ANO2: variants seen among roughly 807,000 people sequenced by gnomAD.
ANO2 encodes the protein anoctamin 2, also known as anoctamin-2.
ANO2 carries 101 observed loss-of-function variants against 124.2 expected under a neutral mutation model. That is an observed-to-expected ratio of 0.81 (90% confidence interval 0.69 to 0.96). ANO2 has a LOEUF of 0.96. Among genes scored for constraint, ANO2 ranks in the 40% least tolerant of loss-of-function variants. The probability of loss-of-function intolerance (pLI) is 0.00; values close to 1 mark genes in which losing one functional copy is unlikely to be tolerated. For missense variants in ANO2, 1,293 were observed against 1,274.5 expected (o/e 1.01, Z -0.22); for synonymous variants, 486 against 482.5 (o/e 1.01, Z -0.09).
chr12:5,769,630 C>T lies in ANO2; in HGVS notation c.1056-18660G>A, dbSNP rs973659837. Among the ~76,000 whole-genome samples the T allele has an allele frequency of 7.9e-5, 12 of 152,136 alleles. No individual in the cohort carries two copies. Among genetic ancestry groups the T allele is most frequent in the South Asian group, 2.1e-4 (1 of 4,830 alleles). ...CCCTACCTACCTGTACATTCCTATC[C>T]GTGGGTGGTGGATGGACCTCCATTA... is the stretch of plus-strand genomic sequence containing the variant. On this transcript the variant is annotated intron_variant, in intron 10 of 24. Coordinates refer to ENST00000682330, the MANE Select transcript of ANO2 (RefSeq NM_001364791.2). This position sits in a 1 kb window ranked among gnomAD's most constrained non-coding sequence, Gnocchi z 4.0.
chr12:5,757,524 T>C (rs1951616036), intron 10 of ANO2, among the ~76,000 whole-genome samples: 1 of 152,214 alleles, frequency 6.6e-6, no homozygotes, highest in Admixed American at 6.5e-5. Flanking sequence ...AAATGAGAGC[T>C]CTGTCCACAC....
In ANO2 at chr12:5,868,633, T is replaced by C. The variant is rs569320624; in HGVS notation, c.535-14492A>G. ...TGAGTTTCCAGCATCCTCCCTTTTT[T>C]CCTAGAAAAAGCTGGCTCCTGGGGC... On this transcript the variant is annotated intron_variant, in intron 3 of 24. Transcript: ENST00000682330. Among the ~76,000 whole-genome samples the C allele has an allele frequency of 2.6e-5, 4 of 152,306 alleles. No homozygotes were observed. In the South Asian group the frequency reaches 8.3e-4, roughly 32 times the overall value.
Position 5,763,087 on chromosome 12 carries a change from T to C in ANO2, c.1056-12117A>G, listed in dbSNP as rs368403079. Among the ~76,000 whole-genome samples, 4 of 152,166 alleles carry C rather than the reference T, an allele frequency of 2.6e-5. No individual in the cohort carries two copies. In the South Asian group the frequency reaches 6.2e-4, roughly 24 times the overall value. Reference sequence around the variant, plus strand: ...ACTCAAGTGTTTTAAACTTTTGTTATATTGACAAACATTTTCTAAAATCAA... The same window carrying C: ...ACTCAAGTGTTTTAAACTTTTGTTACATTGACAAACATTTTCTAAAATCAA... On this transcript the variant is annotated intron_variant, in intron 10 of 24. Transcript: ENST00000682330.
intron 23 of ANO2, among the ~76,000 whole-genome samples, chr12:5,566,967 G>GC (rs1171098248): frequency 2.0e-5 from 3 of 152,224 alleles, no homozygotes; most frequent in African/African-American, 7.2e-5. Context: ...GCAAAAGCTA[G>GC]TTTGTTTTCC....
intron 7 of ANO2, among the ~76,000 whole-genome samples, chr12:5,816,951 G>A (rs573094934): frequency 1.3e-3 from 202 of 152,142 alleles, no homozygotes; most frequent in African/African-American, 4.7e-3. Flanking sequence ...ACACATAGCA[G>A]GTGCTCATTA....
chr12:5,888,993 G>T (rs960488828), intron 3 of ANO2, among the ~76,000 whole-genome samples: 1 of 152,232 alleles, frequency 6.6e-6, no homozygotes, highest in Non-Finnish European at 1.5e-5. Flanking sequence ...CCCACAGCTG[G>T]GGAGGCTCAG....
chr12:5,879,930 T>C (rs1007625634), intron 3 of ANO2, among the ~76,000 whole-genome samples: 4 of 152,214 alleles, frequency 2.6e-5, no homozygotes, highest in Admixed American at 2.0e-4. Flanking sequence ...GAAAGATCAC[T>C]CTGATAGAGC....
chr12:5,563,739 G>A (rs967341584), intron 24 of ANO2, among the ~76,000 whole-genome samples, 171 bp from the exon 25 acceptor site: 4 of 152,302 alleles, frequency 2.6e-5, no homozygotes, highest in East Asian at 3.9e-4. Context: ...AAAATGGAGC[G>A]GAAACACTGC....
chr12:5,643,011 T>A (rs1409465727), intron 15 of ANO2, among the ~76,000 whole-genome samples: 3 of 152,186 alleles, frequency 2.0e-5, no homozygotes, highest in Non-Finnish European at 4.4e-5. Flanking sequence ...ATTTAATATA[T>A]GTATTTTGTG....
At chr12:5,613,016 A>T (rs1944623283) in intron 17 of ANO2, 58 bp from the exon 18 acceptor site, 1 of 1,547,052 alleles carries the variant, frequency 6.5e-7, no homozygotes, top group Non-Finnish European at 8.9e-7. Flanking sequence ...GGGTGGCTCA[A>T]GGACATGTCT....
At position 5,803,760 on chromosome 12, in the gene ANO2, G is replaced by A. The variant is rs528726296; in HGVS notation, c.990+2292C>T. On this transcript the variant is annotated intron_variant, in intron 9 of 24. Transcript: ENST00000682330. ...AAGACGGAGGAAGCCTCTTCTTAAC[G>A]ACCCTCCAGGAGGGGAAAGAAAGAG... is the stretch of plus-strand genomic sequence containing the variant. 5.9e-5 allele frequency among the ~76,000 whole-genome samples: 9 copies of A among 152,268 alleles called. No individual in the cohort carries two copies. In the East Asian group the frequency reaches 1.4e-3, roughly 23 times the overall value.
chr12:5,704,295 C>T (rs1333369954), intron 14 of ANO2, among the ~76,000 whole-genome samples: 1 of 152,150 alleles, frequency 6.6e-6, no homozygotes, highest in Non-Finnish European at 1.5e-5. Flanking sequence ...CTGCATCCAC[C>T]CCGCCCATGT....
chr12:5,684,213 A>T (rs1236193538), intron 14 of ANO2, among the ~76,000 whole-genome samples: 1 of 152,212 alleles, frequency 6.6e-6, no homozygotes, highest in Non-Finnish European at 1.5e-5. Context: ...CAGCCCCACC[A>T]GAAATGCCAG....
At chr12:5,698,299 G>C (rs1203606947) in intron 14 of ANO2, among the ~76,000 whole-genome samples, 1 of 152,220 alleles carries the variant, frequency 6.6e-6, no homozygotes, top group Non-Finnish European at 1.5e-5. Context: ...AATATTCGCT[G>C]TTCTGCAGGC....
chr12:5,940,971 G>A (rs758778325), intron 1 of ANO2, among the ~76,000 whole-genome samples: 8 of 152,176 alleles, frequency 5.3e-5, no homozygotes, highest in Non-Finnish European at 1.0e-4. Flanking sequence ...AACCTTGAAA[G>A]CATTATGCTA....
At position 5,834,930 on chromosome 12, in the gene ANO2, T is replaced by G. The variant is rs181713167; in HGVS notation, c.634-2327A>C. Among the ~76,000 whole-genome samples the G allele has an allele frequency of 2.6e-5, 4 of 152,332 alleles. No homozygotes were observed. The East Asian group carries it at 7.7e-4, about 29-fold the overall frequency. ...CCTCTATAATTTGCTTTTTTTTCAT[T>G]TAGCATCATATCATAGATATCTTTC... On this transcript the variant is annotated intron_variant, in intron 4 of 24. Transcript: ENST00000682330.
In ANO2 at chr12:5,744,324, T is replaced by C. The variant is rs562323415; in HGVS notation, c.1191-7A>G. 27 of 1,613,766 alleles carry C rather than the reference T, an allele frequency of 1.7e-5. 1 individual carries two copies. The South Asian group carries it at 2.2e-4, about 13-fold the overall frequency. The stretch of plus-strand genomic sequence containing the variant: ...CTGGTCACACATCTCTCTGCTGCAA[T>C]AGATGGAGGTTGTTGGGTCAGGTGG... On this transcript the variant is annotated splice_region_variant and splice_polypyrimidine_tract_variant and intron_variant, in intron 11 of 24. Transcript: ENST00000682330.
intron 14 of ANO2, among the ~76,000 whole-genome samples, chr12:5,676,918 G>C (rs985551877): frequency 1.3e-5 from 2 of 152,116 alleles, no homozygotes; most frequent in African/African-American, 4.8e-5. Flanking sequence ...ACCAGGCGTG[G>C]TGGTGCACAC....
At chr12:5,630,373 C>T (rs919987981) in intron 16 of ANO2, among the ~76,000 whole-genome samples, 1 of 152,180 alleles carries the variant, frequency 6.6e-6, no homozygotes, top group South Asian at 2.1e-4. Context: ...CGTATCTCTG[C>T]CTGTGGGGAT....
Sources: gnomAD v4.1 joint callset for allele counts (sites outside exome capture counted in the v4.1 genomes callset) on GRCh38, gnomAD v4.1.1 for gene constraint, Gnocchi (gnomAD v3.1) non-coding constraint, MANE v1.5 for transcripts, NCBI Gene and HGNC (gene_info 2026-07-23, HGNC 2026-07-21) for gene names.